Variants in TBC1D5 observed in about 807,000 individuals in gnomAD.
TBC1D5 encodes TBC1 domain family member 5.
A neutral mutation model predicts 100.3 loss-of-function variants in TBC1D5; 75 were observed. The observed-to-expected ratio is 0.75, with a 90% CI of 0.62 to 0.91. TBC1D5 has a LOEUF of 0.91. Ranked by LOEUF, TBC1D5 falls within the 40% of genes least tolerant of loss-of-function variation. TBC1D5 has a pLI of 0.00. For missense variants in TBC1D5, 910 were observed against 942.4 expected, an observed-to-expected ratio of 0.97 and a Z score of 0.45; for synonymous variants, 323 against 325.6, an observed-to-expected ratio of 0.99 and a Z score of 0.09.
intron 3 of TBC1D5, among the ~76,000 whole-genome samples, chr3:17,492,441 C>A (rs2095650697): frequency 6.8e-6 from 1 of 146,352 alleles, no homozygotes; most frequent in South Asian, 2.1e-4. Flanking sequence ...ACATTTGCAA[C>A]TTTTTTTTTT....
intron 2 of TBC1D5, among the ~76,000 whole-genome samples, chr3:17,606,763 A>C (rs1050721866): frequency 6.6e-6 from 1 of 152,132 alleles, no homozygotes; most frequent in Non-Finnish European, 1.5e-5. Context: ...CACTTTGACA[A>C]AGAGGTCATT....
chr3:17,418,220 T>C (rs1190313150), intron 4 of TBC1D5, among the ~76,000 whole-genome samples: 1 of 152,218 alleles, frequency 6.6e-6, no homozygotes, highest in Non-Finnish European at 1.5e-5. Flanking sequence ...TAATACTCAT[T>C]CTCAATTGTA....
intron 18 of TBC1D5, among the ~76,000 whole-genome samples, chr3:17,204,630 T>C (rs549116663): frequency 6.0e-4 from 92 of 152,260 alleles, no homozygotes; most frequent in Non-Finnish European, 1.2e-3. Context: ...CAGCATGAGG[T>C]GAATGAGTGT....
intron 8 of TBC1D5, among the ~76,000 whole-genome samples, chr3:17,400,207 T>C (rs1284324838): frequency 2.0e-5 from 3 of 152,148 alleles, no homozygotes; most frequent in Admixed American, 6.6e-5. Context: ...CGATGCTCCA[T>C]AAATATACAT....
chr3:17,341,355 C>T (rs2088884586), intron 13 of TBC1D5, among the ~76,000 whole-genome samples: 1 of 152,068 alleles, frequency 6.6e-6, no homozygotes, highest in Non-Finnish European at 1.5e-5. Context: ...CGCCACCACG[C>T]CCGGCTAATT....
At chr3:17,377,999 T>G (rs2092778981) in intron 9 of TBC1D5, among the ~76,000 whole-genome samples, 2 of 151,698 alleles carry the variant, frequency 1.3e-5, no homozygotes, top group Non-Finnish European at 3.0e-5. Flanking sequence ...TTAAAAATCA[T>G]GAAGGGTTTA....
At chr3:17,712,067 A>G (rs531544755) in intron 1 of TBC1D5, among the ~76,000 whole-genome samples, 2 of 152,300 alleles carry the variant, frequency 1.3e-5, no homozygotes, top group South Asian at 4.2e-4. Flanking sequence ...AATCATCACC[A>G]TTCTGAATGT....
At chr3:17,306,132 C>A (rs552849000) in intron 14 of TBC1D5, among the ~76,000 whole-genome samples, 4 of 152,192 alleles carry the variant, frequency 2.6e-5, no homozygotes, top group Non-Finnish European at 5.9e-5. Flanking sequence ...TTTGTTCATG[C>A]TGTTCCTTCT....
intron 8 of TBC1D5, among the ~76,000 whole-genome samples, chr3:17,394,568 A>T: frequency 6.6e-6 from 1 of 152,148 alleles, no homozygotes; most frequent in Non-Finnish European, 1.5e-5. Flanking sequence ...AACTCAAGAA[A>T]ATCTAGGAGA....
At chr3:17,399,396 G>C (rs977564014) in intron 8 of TBC1D5, among the ~76,000 whole-genome samples, 1 of 152,014 alleles carries the variant, frequency 6.6e-6, no homozygotes, top group Non-Finnish European at 1.5e-5. Flanking sequence ...AGTAAAAACG[G>C]AACAGAAACT....
At chr3:17,168,572 G>A (rs1247169545) in intron 19 of TBC1D5, among the ~76,000 whole-genome samples, 2 of 152,030 alleles carry the variant, frequency 1.3e-5, no homozygotes, top group Non-Finnish European at 2.9e-5. Flanking sequence ...GCTCTATCAG[G>A]AACTGTGGCG....
chr3:17,673,271 T>C (rs939716507), intron 1 of TBC1D5, among the ~76,000 whole-genome samples: 3 of 151,774 alleles, frequency 2.0e-5, no homozygotes, highest in Non-Finnish European at 4.4e-5. Context: ...TAAATACACG[T>C]TTGCCTGTTC....
chr3:17,590,500 G>C (rs951540657), intron 2 of TBC1D5, among the ~76,000 whole-genome samples: 1 of 152,220 alleles, frequency 6.6e-6, no homozygotes, highest in African/African-American at 2.4e-5. Flanking sequence ...GAATGGATTA[G>C]TCACTTTAGA....
chr3:17,235,029 A>G (rs1014587605), intron 17 of TBC1D5, among the ~76,000 whole-genome samples: 2 of 152,126 alleles, frequency 1.3e-5, no homozygotes, highest in African/African-American at 4.8e-5. Flanking sequence ...TGGCGTGCCT[A>G]CTTTCTGTAT....
At chr3:17,643,803 TA>T (rs2064762955) in intron 1 of TBC1D5, among the ~76,000 whole-genome samples, 2 of 152,270 alleles carry the variant, frequency 1.3e-5, no homozygotes, top group South Asian at 4.1e-4. Context: ...TGTTTTGTTT[TA>T]TATAATTGTA....
intron 10 of TBC1D5, 99 bp downstream of exon 10, chr3:17,376,426 T>TTA: frequency 1.0e-6 from 1 of 993,906 alleles, no homozygotes; most frequent in Non-Finnish European, 1.5e-6. Context: ...TTGTACAGCT[T>TTA]GTAAGTACCT....
chr3:17,700,459 A>T (rs1462686420), intron 1 of TBC1D5, among the ~76,000 whole-genome samples: 2 of 152,220 alleles, frequency 1.3e-5, no homozygotes, highest in African/African-American at 2.4e-5. Flanking sequence ...CAATGACAAC[A>T]AAAGCCAAAA....
At chr3:17,188,260 C>T (rs924087043) in intron 18 of TBC1D5, among the ~76,000 whole-genome samples, 22 of 152,130 alleles carry the variant, frequency 1.4e-4, no homozygotes, top group Non-Finnish European at 3.1e-4. Flanking sequence ...GGAAAATATG[C>T]AGGGATATAA....
intron 4 of TBC1D5, among the ~76,000 whole-genome samples, chr3:17,407,012 T>C (rs546397184): frequency 1.8e-4 from 28 of 152,290 alleles, no homozygotes; most frequent in African/African-American, 6.3e-4. Context: ...CTGTTAGTGC[T>C]GCTTACTACT....
Sources: allele counts gnomAD v4.1 joint callset (sites outside exome capture counted in the v4.1 genomes callset), GRCh38; gene constraint gnomAD v4.1.1; transcripts MANE v1.5; gene names NCBI Gene and HGNC (gene_info 2026-07-23, HGNC 2026-07-21).